The following USH2A variants were observed in gnomAD, a reference collection of about 807,000 sequenced individuals.
USH2A encodes usherin.
In USH2A, 443 loss-of-function variants were observed where a neutral mutation model predicts 538.9. The observed-to-expected ratio is 0.82, with a 90% CI of 0.76 to 0.89. The LOEUF is 0.89. Among genes scored for constraint, USH2A ranks in the 40% least tolerant of loss-of-function variants. The pLI is 0.00. For synonymous variants in USH2A, 2,413 were observed against 2,273.5 expected (o/e 1.06, Z -1.75); for missense variants, 6,633 against 6,324.8 (o/e 1.05, Z -1.65).
At chr1:215,964,447 G>A (rs1667282527) in intron 37 of USH2A, among the ~76,000 whole-genome samples, 1 of 152,072 alleles carries the variant, frequency 6.6e-6, no homozygotes, top group South Asian at 2.1e-4. Context: ...TTCTTCACCT[G>A]TTTTTACACT....
intron 44 of USH2A, among the ~76,000 whole-genome samples, chr1:215,853,170 G>A (rs1231226342): frequency 6.6e-6 from 1 of 152,168 alleles, no homozygotes; most frequent in Non-Finnish European, 1.5e-5. Flanking sequence ...TCTAGGTGGA[G>A]GTTCCCAAAC....
At chr1:216,324,754 T>G (rs1558038420) in intron 6 of USH2A, among the ~76,000 whole-genome samples, 1 of 152,178 alleles carries the variant, frequency 6.6e-6, no homozygotes, top group African/African-American at 2.4e-5. Context: ...AGGTCCTACA[T>G]GTTGTCTTTT....
At chr1:215,960,501 C>T (rs1667172267) in intron 37 of USH2A, among the ~76,000 whole-genome samples, 1 of 152,022 alleles carries the variant, frequency 6.6e-6, no homozygotes, top group South Asian at 2.1e-4. Context: ...TTCACCTGTG[C>T]AAGGTGAATG....
intron 13 of USH2A, among the ~76,000 whole-genome samples, chr1:216,236,597 G>A (rs2035822313): frequency 1.3e-5 from 2 of 152,138 alleles, no homozygotes; most frequent in Admixed American, 6.6e-5. Flanking sequence ...TCTAAAATAT[G>A]AGATGATCCC....
At chr1:215,922,698 G>A (rs996846916) in intron 38 of USH2A, among the ~76,000 whole-genome samples, 1 of 152,108 alleles carries the variant, frequency 6.6e-6, no homozygotes, top group Non-Finnish European at 1.5e-5. Context: ...AGTAGGTTGA[G>A]AGTAGGGTTT....
At chr1:215,737,779 T>C (rs1660197499) in intron 60 of USH2A, among the ~76,000 whole-genome samples, 1 of 152,076 alleles carries the variant, frequency 6.6e-6, no homozygotes, top group African/African-American at 2.4e-5. Flanking sequence ...GATTCAATGC[T>C]CGTCTTTTCT....
chr1:216,220,543 G>C (rs548355374), intron 14 of USH2A, among the ~76,000 whole-genome samples: 121 of 151,252 alleles, frequency 8.0e-4, no homozygotes, highest in African/African-American at 2.7e-3. Flanking sequence ...TGCTTGGGCT[G>C]AACGTTAAAA....
In USH2A at chr1:215,675,451, G is replaced by A; in HGVS notation, c.12460C>T (p.Pro4154Ser). The A allele has an allele frequency of 6.2e-7, 1 of 1,613,956 alleles. No individual in the cohort carries two copies. Among genetic ancestry groups the A allele is most frequent in the African/African-American group, 1.3e-5 (1 of 75,022 alleles). Residue 4154 changes from proline to serine, a missense_variant, in exon 63 of 72, where the codon CCT (proline) becomes TCT (serine). Transcript: ENST00000307340. ...GTAGGAGCCAGCTGAGAGTCTGGAG[G>A]GGCTTCATCTGTCCACAGAGGCTGA... ...APQPLWTDEA[P>S]PDSQLAPTVH...
chr1:216,303,350 G>C (rs994996011), intron 9 of USH2A, among the ~76,000 whole-genome samples: 2 of 151,874 alleles, frequency 1.3e-5, no homozygotes, highest in African/African-American at 4.8e-5. Flanking sequence ...ATGAAGAAAA[G>C]CTTCATTCAT....
intron 11 of USH2A, among the ~76,000 whole-genome samples, chr1:216,253,813 T>C (rs2036208523): frequency 6.6e-6 from 1 of 152,234 alleles, no homozygotes; most frequent in African/African-American, 2.4e-5. Flanking sequence ...ATTAAATCAT[T>C]ACTTTGCAAT....
chr1:216,140,650 G>A (rs1558279811), intron 21 of USH2A, among the ~76,000 whole-genome samples: 2 of 152,160 alleles, frequency 1.3e-5, no homozygotes, highest in African/African-American at 4.8e-5. Flanking sequence ...GGAAAACCCA[G>A]AAACATATTG....
At chr1:216,327,520 G>C in intron 5 of USH2A, 71 bp downstream of exon 5, 1 of 1,528,622 alleles carries the variant, frequency 6.5e-7, no homozygotes. Flanking sequence ...AATCTACATA[G>C]TATTCTTATT....
intron 61 of USH2A, among the ~76,000 whole-genome samples, chr1:215,681,222 G>A (rs1658217701): frequency 6.6e-6 from 1 of 151,960 alleles, no homozygotes. Flanking sequence ...GTTTCTAAAG[G>A]CCCTGGGGTG....
chr1:215,812,385 A>G lies in USH2A; in HGVS notation c.9739+1351T>C, dbSNP rs527372103. Among the ~76,000 whole-genome samples, 15 of 152,244 alleles carry G rather than the reference A, an allele frequency of 9.9e-5. No homozygotes were observed. In the South Asian group the frequency reaches 2.9e-3, roughly 29 times the overall value. ...TATTAAGCTCTTTCTCTGTTGCAAT[A>G]CCACTGTTTTGGTAAATTGGCTCTA... On this transcript the variant is annotated intron_variant, in intron 49 of 71. Transcript: ENST00000307340.
At chr1:215,865,052 G>C (rs1280297305) in intron 44 of USH2A, among the ~76,000 whole-genome samples, 1 of 152,044 alleles carries the variant, frequency 6.6e-6, no homozygotes, top group Non-Finnish European at 1.5e-5. Flanking sequence ...TGTTGCCTTT[G>C]AGCATATTAG....
chr1:215,998,632 A>G (rs1468470305), intron 34 of USH2A, among the ~76,000 whole-genome samples: 2 of 152,124 alleles, frequency 1.3e-5, no homozygotes, highest in Non-Finnish European at 2.9e-5. Flanking sequence ...AATCTTGATA[A>G]TCCCAACTTT....
At chr1:216,346,238 C>T (rs1269647772) in intron 4 of USH2A, among the ~76,000 whole-genome samples, 1 of 151,994 alleles carries the variant, frequency 6.6e-6, no homozygotes, top group Non-Finnish European at 1.5e-5. Context: ...ACAGCAGTAC[C>T]ATTAAAAGTC....
chr1:215,884,997 A>G lies in USH2A; in HGVS notation c.8223+3429T>C, dbSNP rs59889883. On this transcript the variant is annotated intron_variant, in intron 41 of 71. Coordinates refer to ENST00000307340, the MANE Select transcript of USH2A (RefSeq NM_206933.4). Reference sequence around the variant, plus strand: ...GGGCATCAAGGTTTACAGGCTCATGATGTTATCATAAAAGAAGTTTTTTTT... The same window carrying G: ...GGGCATCAAGGTTTACAGGCTCATGGTGTTATCATAAAAGAAGTTTTTTTT... Among the ~76,000 whole-genome samples the G allele has an allele frequency of 7.0e-3, 1,060 of 152,224 alleles. 6 individuals are homozygous for G. The highest frequency in any genetic ancestry group is 0.024 in the African/African-American group (994 of 41,560).
At chr1:216,310,943 C>A (rs1216680390) in intron 9 of USH2A, among the ~76,000 whole-genome samples, 1 of 152,140 alleles carries the variant, frequency 6.6e-6, no homozygotes, top group African/African-American at 2.4e-5. Context: ...CTCTAGGGAG[C>A]TATAGGGGGC....
Sources: gnomAD v4.1 joint callset for allele counts (sites outside exome capture counted in the v4.1 genomes callset) on GRCh38, gnomAD v4.1.1 for gene constraint, MANE v1.5 for transcripts, NCBI Gene and HGNC (gene_info 2026-07-23, HGNC 2026-07-21) for gene names.